PSG2: variants seen among roughly 807,000 people sequenced by gnomAD.
PSG2 encodes pregnancy-specific beta-1-glycoprotein 2.
PSG2 carries 49 observed loss-of-function variants against 36.2 expected under a neutral mutation model. That is an observed-to-expected ratio of 1.35 (90% confidence interval 1.08 to 1.72). The LOEUF is 1.72. PSG2 is among the 40% of genes most tolerant of loss of function. The probability of loss-of-function intolerance (pLI) is 0.00; values close to 1 mark genes in which losing one functional copy is unlikely to be tolerated. For missense variants in PSG2, 605 were observed against 407.2 expected, an observed-to-expected ratio of 1.49 and a Z score of -4.18; for synonymous variants, 261 against 155.6, an observed-to-expected ratio of 1.68 and a Z score of -5.04.
intron 4 of PSG2, among the ~76,000 whole-genome samples, chr19:43,067,360 G>A (rs1293113322): frequency 2.0e-5 from 3 of 150,904 alleles, no homozygotes; most frequent in Non-Finnish European, 2.9e-5. Flanking sequence ...AACATACCAG[G>A]CTTGATTCTT....
At chr19:43,072,205 G>C in intron 3 of PSG2, 1 of 1,429,412 alleles carries the variant, frequency 7.0e-7, no homozygotes, top group Non-Finnish European at 9.4e-7. Flanking sequence ...TGCCTACCCA[G>C]GTTTTCCCAG....
intron 4 of PSG2, among the ~76,000 whole-genome samples, 161 bp from the exon 5 acceptor site, chr19:43,066,761 T>G (rs139918672): frequency 0.1 from 15,281 of 151,340 alleles, 1,035 homozygotes; most frequent in Admixed American, 0.15. Flanking sequence ...ATTCTTGCAG[T>G]TTTTTTTCCC....
intron 3 of PSG2, among the ~76,000 whole-genome samples, chr19:43,074,068 T>A (rs1967856293): frequency 6.6e-6 from 1 of 151,704 alleles, no homozygotes; most frequent in Non-Finnish European, 1.5e-5. Context: ...CTCGTTTATT[T>A]TTTAAGGCTT....
At chr19:43,069,227 G>A (rs550520360) in intron 4 of PSG2, among the ~76,000 whole-genome samples, 1 of 123,150 alleles carries the variant, frequency 8.1e-6, no homozygotes, top group African/African-American at 2.9e-5. Context: ...TCAATAAATT[G>A]AAGGACATTT....
At chr19:43,077,699 C>A (rs1245120936) in intron 2 of PSG2, among the ~76,000 whole-genome samples, 6 of 151,728 alleles carry the variant, frequency 4.0e-5, no homozygotes, top group South Asian at 2.1e-4. Flanking sequence ...ATTACGTGTA[C>A]GTTACAGCAT....
At position 43,064,288 on chromosome 19, in the gene PSG2, G is replaced by A. The variant is rs1967709885; in HGVS notation, c.*354C>T. 1 of 220,412 alleles carries A rather than the reference G, an allele frequency of 4.5e-6. No homozygotes were observed. Among genetic ancestry groups the A allele is most frequent in the South Asian group, 1.0e-4 (1 of 9,818 alleles). 13.7% of individuals were successfully genotyped at this position (220,412 alleles called of 1,614,324 possible). Reference sequence around the variant, plus strand: ...TTCCCAATTCTGGGGCACTCAGATAGAGAGCAAAAGGAAATGTTTCAATTT... The same window carrying A: ...TTCCCAATTCTGGGGCACTCAGATAAAGAGCAAAAGGAAATGTTTCAATTT... On this transcript the variant is annotated 3_prime_UTR_variant, in exon 6 of 6. Transcript: ENST00000406487.
At chr19:43,074,395 G>A (rs1462911800) in intron 3 of PSG2, among the ~76,000 whole-genome samples, 1 of 151,580 alleles carries the variant, frequency 6.6e-6, no homozygotes, top group East Asian at 1.9e-4. Context: ...TAGTTTTCAA[G>A]GTATAATCAT....
intron 2 of PSG2, among the ~76,000 whole-genome samples, chr19:43,076,909 T>C (rs1169368032): frequency 7.3e-5 from 11 of 151,382 alleles, no homozygotes; most frequent in Admixed American, 3.3e-4. Flanking sequence ...AATGCGCCAG[T>C]GAGCACTTCT....
chr19:43,075,452 A>T lies in PSG2; in HGVS notation c.611T>A (p.Leu204Gln). Residue 204 changes from leucine to glutamine, a missense_variant, in exon 3 of 6, where the codon CTA (leucine) becomes CAA (glutamine). Physicochemically the swap from Leu to Gln is moderately radical, Grantham distance 113. Coordinates refer to ENST00000406487, the MANE Select transcript of PSG2 (RefSeq NM_031246.4). ...QLSETNRTLF[L>Q]FGVTKYTAGP... ...TGCAGTATACTTTGTGACACCAAAT[A>T]GAAAGAGGGTCCTGTTGGTTTCGGA... 1 of 1,613,220 alleles carries T rather than the reference A, an allele frequency of 6.2e-7. No homozygotes were observed. Among genetic ancestry groups the T allele is most frequent in the African/African-American group, 1.3e-5 (1 of 74,598 alleles).
Position 43,075,505 on chromosome 19 carries a change from G to A in PSG2, c.558C>T (p.Ser186=). The change falls in exon 3 of 6, where the codon AGC becomes AGT. Residue 186 remains serine (S), a synonymous_variant. Coordinates refer to ENST00000406487, the MANE Select transcript of PSG2 (RefSeq NM_031246.4). ...GCTGAAACCTATGAGTCATAGGGAGGCTCTGACCATTCATCCACCACTGGT... is the reference window on the plus strand; with the variant it reads ...GCTGAAACCTATGAGTCATAGGGAGACTCTGACCATTCATCCACCACTGGT... The part of the protein sequence containing the change: ...TSYQWWMNGQ[S]LPMTHRFQLS... 3.1e-6 allele frequency: 5 copies of A among 1,613,212 alleles called. No individual in the cohort carries two copies. Among genetic ancestry groups the A allele is most frequent in the Non-Finnish European group, 3.4e-6 (4 of 1,179,720 alleles).
intron 4 of PSG2, 28 bp downstream of exon 4, chr19:43,071,672 A>T (rs767445978): frequency 1.9e-6 from 3 of 1,612,534 alleles, no homozygotes; most frequent in Non-Finnish European, 2.5e-6. Context: ...CTAAAACCCT[A>T]CTGCCAAGGA....
intron 2 of PSG2, among the ~76,000 whole-genome samples, chr19:43,080,303 C>T (rs1156288900): frequency 1.3e-5 from 2 of 151,662 alleles, no homozygotes; most frequent in African/African-American, 4.9e-5. Flanking sequence ...GACCTCTGTC[C>T]TCTACACCAT....
rs370343073 is a variant in PSG2, at chr19:43,068,516, C to A, written c.965-1916G>T. Among the ~76,000 whole-genome samples the A allele has an allele frequency of 2.4e-4, 36 of 149,548 alleles. No individual in the cohort carries two copies. In the East Asian group the frequency reaches 4.9e-3, roughly 20 times the overall value. On this transcript the variant is annotated intron_variant, in intron 4 of 5. Transcript: ENST00000406487. Reference sequence around the variant, plus strand: ...AAAAATGAAGCGATTACTACCAATTCTAATAAAATAATGATTATGAAAGTA... The same window carrying A: ...AAAAATGAAGCGATTACTACCAATTATAATAAAATAATGATTATGAAAGTA...
rs200197136 is a variant in PSG2 at position 43,067,722 on chromosome 19, A to G, written c.965-1122T>C. Among the ~76,000 whole-genome samples the G allele has an allele frequency of 5.3e-5, 8 of 151,464 alleles. No homozygotes were observed. In the East Asian group the frequency reaches 7.7e-4, roughly 15 times the overall value. ...TGATGATAGTAATATAGTAGCTGACATTGGTTCCTCTGTGTGTGGCATCTT... is the reference window on the plus strand; with the variant it reads ...TGATGATAGTAATATAGTAGCTGACGTTGGTTCCTCTGTGTGTGGCATCTT... On this transcript the variant is annotated intron_variant, in intron 4 of 5. Transcript: ENST00000406487.
At chr19:43,080,779 C>T (rs548748246) in intron 2 of PSG2, 102 bp downstream of exon 2, 2 of 1,602,464 alleles carry the variant, frequency 1.2e-6, no homozygotes, top group South Asian at 2.2e-5. Context: ...GGACATAATG[C>T]AGAGAGGGAC....
chr19:43,080,453 G>A (rs1305204440), intron 2 of PSG2, among the ~76,000 whole-genome samples: 1 of 151,668 alleles, frequency 6.6e-6, no homozygotes, highest in Admixed American at 6.6e-5. Context: ...AGGCTCCTAA[G>A]CTTTATCTGG....
intron 1 of PSG2, 92 bp from the exon 2 acceptor site, chr19:43,081,338 C>T (rs1184327729): frequency 2.1e-6 from 3 of 1,432,152 alleles, no homozygotes; most frequent in African/African-American, 1.5e-5. Context: ...CTCTTCAATC[C>T]TCAGCCTTGA....
chr19:43,075,816 C>T (rs1223843026), intron 2 of PSG2, among the ~76,000 whole-genome samples, 184 bp from the exon 3 acceptor site: 1 of 151,610 alleles, frequency 6.6e-6, no homozygotes, highest in Non-Finnish European at 1.5e-5. Flanking sequence ...GTGAGGCTGC[C>T]TGCTTTATGT....
intron 4 of PSG2, among the ~76,000 whole-genome samples, chr19:43,067,343 A>G (rs1485979123): frequency 6.6e-6 from 1 of 151,190 alleles, no homozygotes; most frequent in Non-Finnish European, 1.5e-5. Context: ...CTCAGTTGGT[A>G]AATACTAACA....
Sources: gnomAD v4.1 joint callset for allele counts (sites outside exome capture counted in the v4.1 genomes callset) on GRCh38, gnomAD v4.1.1 for gene constraint, MANE v1.5 for transcripts, NCBI Gene and HGNC (gene_info 2026-07-23, HGNC 2026-07-21) for gene names.